The following RBP2 variants were observed in gnomAD, a reference collection of about 807,000 sequenced individuals.
RBP2 encodes retinol-binding protein 2.
Under a neutral mutation model 17.0 loss-of-function variants are expected in RBP2, and 17 were observed. That is an observed-to-expected ratio of 1.00 (90% confidence interval 0.68 to 1.50). The LOEUF (loss-of-function observed/expected upper bound fraction) is 1.50, where lower values mean the gene tolerates loss of function less well. Among genes scored for constraint, RBP2 ranks in the 40% most tolerant of loss-of-function variants. RBP2 has a pLI of 0.00. For synonymous variants in RBP2, 48 were observed against 57.1 expected (o/e 0.84, Z 0.72); for missense variants, 158 against 168.2 (o/e 0.94, Z 0.33).
intron 2 of RBP2, among the ~76,000 whole-genome samples, chr3:139,459,398 A>ATGTGTGTGTGTGTGTG (rs201355065): frequency 3.0e-4 from 11 of 36,166 alleles, no homozygotes; most frequent in Admixed American, 9.6e-4. Context: ...TCTACTATAT[A>ATGTGTGTGTGTGTGTG]TATGTGTGTG....
At chr3:139,469,339 G>A (rs1933470714) in intron 1 of RBP2, among the ~76,000 whole-genome samples, 1 of 152,136 alleles carries the variant, frequency 6.6e-6, no homozygotes, top group Non-Finnish European at 1.5e-5. Context: ...CTAGGCACCG[G>A]GGGCAGGCTG....
At chr3:139,475,897 C>T (rs373079656) in intron 1 of RBP2, among the ~76,000 whole-genome samples, 73 of 152,338 alleles carry the variant, frequency 4.8e-4, no homozygotes, top group African/African-American at 1.7e-3. Context: ...CTGACAACAG[C>T]CTCTCTAGGC....
At chr3:139,457,566 T>C (rs542228340) in intron 2 of RBP2, among the ~76,000 whole-genome samples, 1 of 152,346 alleles carries the variant, frequency 6.6e-6, no homozygotes, top group East Asian at 1.9e-4. Flanking sequence ...CAATAAATTA[T>C]GATAATACTT....
At chr3:139,458,582 G>A (rs1933066758) in intron 2 of RBP2, among the ~76,000 whole-genome samples, 4 of 152,066 alleles carry the variant, frequency 2.6e-5, no homozygotes, top group African/African-American at 9.7e-5. Context: ...TTTTCTTCAC[G>A]CCCCAAAAGG....
chr3:139,459,983 AAGGT>A (rs1456914865), intron 2 of RBP2, among the ~76,000 whole-genome samples: 3 of 152,274 alleles, frequency 2.0e-5, no homozygotes, highest in South Asian at 2.1e-4. Flanking sequence ...AGACAGAAGA[AAGGT>A]AGGAGTGTGT....
intron 1 of RBP2, among the ~76,000 whole-genome samples, chr3:139,474,337 C>G (rs1933658890): frequency 6.6e-6 from 1 of 152,078 alleles, no homozygotes; most frequent in South Asian, 2.1e-4. Flanking sequence ...CCTCCCAACC[C>G]CCAGGAGGAG....
intron 1 of RBP2, among the ~76,000 whole-genome samples, chr3:139,464,432 A>C (rs1440752084): frequency 6.6e-6 from 1 of 151,812 alleles, no homozygotes; most frequent in Non-Finnish European, 1.5e-5. Flanking sequence ...CACTCCTCGC[A>C]ATAGAGCGAG....
At chr3:139,458,852 T>A (rs1156869580) in intron 2 of RBP2, among the ~76,000 whole-genome samples, 4 of 152,186 alleles carry the variant, frequency 2.6e-5, no homozygotes, top group African/African-American at 9.7e-5. Context: ...TTTTTAATTT[T>A]ATTTTATTTT....
rs750407355 is a variant in RBP2 at position 139,453,132 on chromosome 3, A to C, written c.389T>G (p.Val130Gly). The stretch of plus-strand genomic sequence containing the variant: ...ACGTCGCCATCATTTCTTTTTGAAC[A>C]CTTGACGGCACACCTGGTCACCACA... ...LTCGDQVCRQVFKKK is the reference protein window; with the variant it reads ...LTCGDQVCRQGFKKK Residue 130 changes from valine to glycine, a missense_variant, in exon 4 of 4, where the codon GTG becomes GGG. By Grantham distance (109) the Val-to-Gly change is moderately radical. Coordinates refer to ENST00000232217, the MANE Select transcript of RBP2 (RefSeq NM_004164.3). 2.5e-6 allele frequency: 4 copies of C among 1,613,924 alleles called. No individual in the cohort carries two copies.
At chr3:139,471,345 G>A (rs1933561969) in intron 1 of RBP2, among the ~76,000 whole-genome samples, 1 of 152,212 alleles carries the variant, frequency 6.6e-6, no homozygotes, top group African/African-American at 2.4e-5. Flanking sequence ...ATGAGATTTT[G>A]CACAAGACAC....
intron 1 of RBP2, among the ~76,000 whole-genome samples, chr3:139,470,765 T>C (rs1244976929): frequency 3.3e-5 from 5 of 152,016 alleles, no homozygotes; most frequent in Non-Finnish European, 7.4e-5. Flanking sequence ...TTTCTATTTT[T>C]TGTAGAGGCA....
rs1383480710 is a variant in RBP2 at position 139,476,243 on chromosome 3, T to C, written c.73+144A>G. On this transcript the variant is annotated intron_variant, in intron 1 of 3. Coordinates refer to ENST00000232217, the MANE Select transcript of RBP2 (RefSeq NM_004164.3). The stretch of plus-strand genomic sequence containing the variant: ...AAAACTGAGCCTCAGAGAATTCTTA[T>C]GATCTGCCTAATATTGCACAGCTGT... 6.5e-6 allele frequency: 4 copies of C among 614,788 alleles called. No homozygotes were observed. In the East Asian group the frequency reaches 8.5e-5, roughly 13 times the overall value. 38.1% of individuals were successfully genotyped at this position (614,788 alleles called of 1,614,324 possible).
intron 1 of RBP2, among the ~76,000 whole-genome samples, chr3:139,464,755 C>T (rs1280999674): frequency 1.3e-5 from 2 of 152,196 alleles, no homozygotes; most frequent in Non-Finnish European, 2.9e-5. Context: ...GTGCCTTGCT[C>T]ACCTCTCATT....
chr3:139,473,808 A>AG (rs1349634296), intron 1 of RBP2, among the ~76,000 whole-genome samples: 5 of 152,168 alleles, frequency 3.3e-5, no homozygotes, highest in Admixed American at 2.6e-4. Flanking sequence ...GAGAAGGACA[A>AG]GGGGTCCTAC....
At chr3:139,471,597 T>A (rs889316060) in intron 1 of RBP2, among the ~76,000 whole-genome samples, 1 of 152,242 alleles carries the variant, frequency 6.6e-6, no homozygotes, top group Admixed American at 6.5e-5. Flanking sequence ...AGTTACAATT[T>A]ATGGAATGAA....
At chr3:139,465,450 C>T (rs970140945) in intron 1 of RBP2, among the ~76,000 whole-genome samples, 2 of 152,026 alleles carry the variant, frequency 1.3e-5, no homozygotes, top group African/African-American at 2.4e-5. Context: ...TTTGCCACGG[C>T]GGAAAAACTG....
intron 1 of RBP2, among the ~76,000 whole-genome samples, chr3:139,468,336 C>T (rs1933432902): frequency 6.6e-6 from 1 of 152,158 alleles, no homozygotes; most frequent in Non-Finnish European, 1.5e-5. Flanking sequence ...ATTGCTTGTC[C>T]CTGGTTGCAT....
intron 2 of RBP2, 123 bp from the exon 3 acceptor site, chr3:139,454,953 C>G: frequency 1.1e-6 from 1 of 914,260 alleles, no homozygotes; most frequent in Non-Finnish European, 1.7e-6. Flanking sequence ...GCAGAGCCCT[C>G]AGCCTCAGGG....
rs369371310 is a variant in RBP2 at position 139,453,104 on chromosome 3, C to T, written c.*12G>A. The T allele has an allele frequency of 2.4e-5, 39 of 1,614,024 alleles. No homozygotes were observed. The highest frequency in any genetic ancestry group is 3.2e-5 in the Non-Finnish European group (38 of 1,180,026). Reference sequence around the variant, plus strand: ...TGGGGAGCTTGTGCTTGGCAGGCCTCCCACGTCGCCATCATTTCTTTTTGA... The same window carrying T: ...TGGGGAGCTTGTGCTTGGCAGGCCTTCCACGTCGCCATCATTTCTTTTTGA... On this transcript the variant is annotated 3_prime_UTR_variant, in exon 4 of 4. Coordinates refer to ENST00000232217, the MANE Select transcript of RBP2 (RefSeq NM_004164.3).
Sources: gnomAD v4.1 joint callset for allele counts (sites outside exome capture counted in the v4.1 genomes callset) on GRCh38, gnomAD v4.1.1 for gene constraint, MANE v1.5 for transcripts, NCBI Gene and HGNC (gene_info 2026-07-23, HGNC 2026-07-21) for gene names.